SEMA5A: variants seen among roughly 807,000 people sequenced by gnomAD.
The protein encoded by SEMA5A is semaphorin 5A.
In SEMA5A, 55 loss-of-function variants were observed where a neutral mutation model predicts 135.5. That is an observed-to-expected ratio of 0.41 (90% confidence interval 0.33 to 0.51). The LOEUF is 0.51. Among genes scored for constraint, SEMA5A ranks in the 20% least tolerant of loss-of-function variants. The pLI, the probability that SEMA5A is intolerant of heterozygous loss-of-function variation, is 0.37. For synonymous variants in SEMA5A, 580 were observed against 546.5 expected, an observed-to-expected ratio of 1.06 and a Z score of -0.85; for missense variants, 1,290 against 1,419.9, an observed-to-expected ratio of 0.91 and a Z score of 1.47.
intron 5 of SEMA5A, among the ~76,000 whole-genome samples, chr5:9,304,758 T>C (rs1342193188): frequency 2.0e-5 from 3 of 152,222 alleles, no homozygotes; most frequent in Non-Finnish European, 4.4e-5. Context: ...TATTGATTTA[T>C]GATGATTCTG....
intron 13 of SEMA5A, among the ~76,000 whole-genome samples, chr5:9,131,538 G>T (rs1417125855): frequency 1.4e-5 from 2 of 143,794 alleles, no homozygotes; most frequent in East Asian, 4.3e-4. Flanking sequence ...AACCCAGGAG[G>T]TGGAAGCTGC....
chr5:9,323,237 T>C (rs1752708660), intron 4 of SEMA5A, among the ~76,000 whole-genome samples: 1 of 152,254 alleles, frequency 6.6e-6, no homozygotes. Context: ...CATGTTTAGA[T>C]ATACACATTG....
At chr5:9,051,835 A>G (rs1208828494) in intron 20 of SEMA5A, 38 bp downstream of exon 20, 2 of 1,612,920 alleles carry the variant, frequency 1.2e-6, no homozygotes, top group African/African-American at 1.3e-5. Flanking sequence ...CATGTTGGAA[A>G]TGATTTTATT....
At chr5:9,431,866 A>G (rs564078607) in intron 2 of SEMA5A, among the ~76,000 whole-genome samples, 1 of 152,292 alleles carries the variant, frequency 6.6e-6, no homozygotes, top group East Asian at 1.9e-4. Flanking sequence ...GCCTCACTCA[A>G]TCACGAAACT....
chr5:9,089,039 C>T (rs1421707380), intron 16 of SEMA5A, among the ~76,000 whole-genome samples: 1 of 152,148 alleles, frequency 6.6e-6, no homozygotes, highest in African/African-American at 2.4e-5. Flanking sequence ...CTTCTTTGTG[C>T]TACCATTGGA....
intron 5 of SEMA5A, among the ~76,000 whole-genome samples, chr5:9,303,921 C>G (rs1261037226): frequency 1.3e-5 from 2 of 152,122 alleles, no homozygotes; most frequent in South Asian, 2.1e-4. Context: ...AAACAATGAG[C>G]ATTTCTCCAG....
intron 2 of SEMA5A, among the ~76,000 whole-genome samples, chr5:9,429,651 G>A (rs759357828): frequency 6.6e-6 from 1 of 152,226 alleles, no homozygotes; most frequent in African/African-American, 2.4e-5. Flanking sequence ...TAAACTTGAA[G>A]TAGGCCAAGG....
intron 15 of SEMA5A, among the ~76,000 whole-genome samples, chr5:9,111,671 G>A (rs1158682217): frequency 6.6e-6 from 1 of 151,986 alleles, no homozygotes; most frequent in African/African-American, 2.4e-5. Context: ...CCTCCCCATT[G>A]AGAGAGGTCA....
intron 1 of SEMA5A, among the ~76,000 whole-genome samples, chr5:9,503,723 G>A (rs1409588077): frequency 6.6e-6 from 1 of 152,140 alleles, no homozygotes; most frequent in Non-Finnish European, 1.5e-5. Flanking sequence ...AAGGATAGAG[G>A]AGTTCATTGC....
chr5:9,374,803 C>A (rs1341990715), intron 3 of SEMA5A, among the ~76,000 whole-genome samples: 1 of 152,144 alleles, frequency 6.6e-6, no homozygotes, highest in Non-Finnish European at 1.5e-5. Flanking sequence ...CACCCACCCC[C>A]ACCCACAAGC....
intron 15 of SEMA5A, among the ~76,000 whole-genome samples, chr5:9,112,293 C>T (rs1353243378): frequency 6.6e-6 from 1 of 152,170 alleles, no homozygotes; most frequent in Non-Finnish European, 1.5e-5. Flanking sequence ...TCCATATGGA[C>T]TAGATTCTCA....
intron 13 of SEMA5A, among the ~76,000 whole-genome samples, chr5:9,131,479 G>A (rs946100949): frequency 6.6e-6 from 1 of 151,676 alleles, no homozygotes; most frequent in African/African-American, 2.4e-5. Flanking sequence ...GTGGTGGTGG[G>A]CACCTGTAGT....
intron 5 of SEMA5A, among the ~76,000 whole-genome samples, chr5:9,272,880 G>A (rs1222450178): frequency 6.6e-6 from 1 of 152,144 alleles, no homozygotes; most frequent in Admixed American, 6.5e-5. Context: ...AAGACCAAAG[G>A]TAGATAAATC....
intron 2 of SEMA5A, among the ~76,000 whole-genome samples, chr5:9,435,759 T>C (rs1206702369): frequency 6.6e-6 from 1 of 152,224 alleles, no homozygotes; most frequent in African/African-American, 2.4e-5. Flanking sequence ...TACATACCTA[T>C]GACTGCTTTC....
At chr5:9,140,942 G>GCTC (rs1321551378) in intron 12 of SEMA5A, among the ~76,000 whole-genome samples, 3 of 152,198 alleles carry the variant, frequency 2.0e-5, no homozygotes, top group African/African-American at 7.2e-5. Context: ...TTAGAGGGAA[G>GCTC]TATTTCAAGC....
chr5:9,424,967 A>G (rs1757592629), intron 2 of SEMA5A, among the ~76,000 whole-genome samples: 1 of 152,154 alleles, frequency 6.6e-6, no homozygotes, highest in Non-Finnish European at 1.5e-5. Flanking sequence ...TGATAATATA[A>G]CCGACAATTT....
At chr5:9,241,516 TTATA>T (rs1177761186) in intron 5 of SEMA5A, among the ~76,000 whole-genome samples, 1 of 148,840 alleles carries the variant, frequency 6.7e-6, no homozygotes, top group Non-Finnish European at 1.5e-5. Context: ...ACACTCTAAC[TTATA>T]ATATCATTAG....
chr5:9,367,702 T>C (rs1754975315), intron 3 of SEMA5A, among the ~76,000 whole-genome samples: 1 of 152,186 alleles, frequency 6.6e-6, no homozygotes, highest in African/African-American at 2.4e-5. Flanking sequence ...AACAGTCTGA[T>C]ATAGTCTGGT....
chr5:9,416,408 C>T (rs1333741569), intron 2 of SEMA5A, among the ~76,000 whole-genome samples: 2 of 152,160 alleles, frequency 1.3e-5, no homozygotes, highest in African/African-American at 4.8e-5. Flanking sequence ...GCAGGTCCCA[C>T]ACTTCCCAGC....
Sources: gnomAD v4.1 joint callset for allele counts (sites outside exome capture counted in the v4.1 genomes callset) on GRCh38, gnomAD v4.1.1 for gene constraint, MANE v1.5 for transcripts, NCBI Gene and HGNC (gene_info 2026-07-23, HGNC 2026-07-21) for gene names.